MYLK: variants seen among roughly 807,000 people sequenced by gnomAD.
MYLK encodes myosin light chain kinase.
In MYLK, 106 loss-of-function variants were observed where a neutral mutation model predicts 203.4. That is an observed-to-expected ratio of 0.52 (90% CI 0.45 to 0.61). The LOEUF (loss-of-function observed/expected upper bound fraction) is 0.61. Among genes scored for constraint, MYLK ranks in the 20% least tolerant of loss-of-function variants. MYLK has a pLI of 0.00. For synonymous variants in MYLK, 867 were observed against 959.5 expected (o/e 0.90, Z 1.78); for missense variants, 2,072 against 2,442.3 (o/e 0.85, Z 3.20).
At chr3:123,645,960 A>G (rs1312243391) in intron 27 of MYLK, among the ~76,000 whole-genome samples, 1 of 152,192 alleles carries the variant, frequency 6.6e-6, no homozygotes, top group African/African-American at 2.4e-5. Flanking sequence ...CCTGGGCAAC[A>G]TGGTGAAATC....
chr3:123,819,324 G>C (rs533521998), intron 3 of MYLK, among the ~76,000 whole-genome samples: 2 of 152,252 alleles, frequency 1.3e-5, no homozygotes, highest in East Asian at 3.9e-4. Flanking sequence ...AGTTCCCTAG[G>C]CTCAGGAATT....
intron 5 of MYLK, among the ~76,000 whole-genome samples, chr3:123,743,216 T>C (rs1485503946): frequency 2.0e-5 from 3 of 152,196 alleles, no homozygotes; most frequent in Non-Finnish European, 4.4e-5. Flanking sequence ...AAGGCTTAAA[T>C]TCCTTTCTTC....
Position 123,700,977 on chromosome 3 carries a change from G to C in MYLK, c.2491C>G (p.Leu831Val). The stretch of plus-strand genomic sequence containing the variant: ...TCAGCACCAACTCCTCCACCACAGA[G>C]GTCCTCGCAGCTGGCAGGCTCCCTC... ...RGREPASCED[L>V]CGGGVGADGG... Residue 831 changes from leucine to valine, a missense_variant, in exon 18 of 34, where the codon CTC becomes GTC. Physicochemically the swap from Leu to Val is conservative, Grantham distance 32. This residue lies in a region of MYLK where 865 missense variants were observed against 1,016.0 expected (regional missense o/e 0.85). Transcript: ENST00000360304. 6.2e-7 allele frequency: 1 copy of C among 1,607,594 alleles called. No homozygotes were observed. The highest frequency in any genetic ancestry group is 8.5e-7 in the Non-Finnish European group (1 of 1,179,968).
chr3:123,850,738 CTTTAG>C (rs1217891111), intron 2 of MYLK, among the ~76,000 whole-genome samples: 2 of 152,178 alleles, frequency 1.3e-5, no homozygotes, highest in African/African-American at 2.4e-5. Flanking sequence ...TGAAGAAGCT[CTTTAG>C]TTTAATTAGA....
chr3:123,828,737 A>G (rs2066223888), intron 3 of MYLK, among the ~76,000 whole-genome samples: 1 of 152,216 alleles, frequency 6.6e-6, no homozygotes, highest in Non-Finnish European at 1.5e-5. Context: ...CAGAATATAC[A>G]AGGAACTCAA....
intron 4 of MYLK, among the ~76,000 whole-genome samples, chr3:123,756,503 T>G (rs1412927387): frequency 1.3e-5 from 2 of 152,192 alleles, no homozygotes; most frequent in Non-Finnish European, 2.9e-5. Flanking sequence ...TGTAATTCCT[T>G]CCTTGTATTA....
At chr3:123,661,967 T>A (rs1438659477) in intron 23 of MYLK, among the ~76,000 whole-genome samples, 1 of 152,226 alleles carries the variant, frequency 6.6e-6, no homozygotes, top group Non-Finnish European at 1.5e-5. Context: ...AGCTCTGTAT[T>A]ACTTTGACCT....
chr3:123,635,748 C>G (rs759743059), intron 29 of MYLK, among the ~76,000 whole-genome samples: 1 of 152,154 alleles, frequency 6.6e-6, no homozygotes, highest in Non-Finnish European at 1.5e-5. Flanking sequence ...TATTCTAGTT[C>G]TAGATTATAT....
At chr3:123,716,887 T>A (rs1489251735) in intron 13 of MYLK, among the ~76,000 whole-genome samples, 7 of 152,228 alleles carry the variant, frequency 4.6e-5, no homozygotes, top group Admixed American at 2.6e-4. Context: ...TGCTCAGAAG[T>A]CTTTCTGTAA....
At chr3:123,855,957 G>C (rs1177661590) in intron 2 of MYLK, among the ~76,000 whole-genome samples, 1 of 152,266 alleles carries the variant, frequency 6.6e-6, no homozygotes, top group South Asian at 2.1e-4. Flanking sequence ...CCACTCATTC[G>C]AGTGTAAACA....
chr3:123,820,896 T>G (rs1336890949), intron 3 of MYLK, among the ~76,000 whole-genome samples: 1 of 152,102 alleles, frequency 6.6e-6, no homozygotes, highest in Non-Finnish European at 1.5e-5. Flanking sequence ...GCTATTCTTT[T>G]TTTTGTATAT....
intron 19 of MYLK, chr3:123,691,890 T>C (rs2060684498): frequency 6.6e-6 from 1 of 152,278 alleles, no homozygotes; most frequent in South Asian, 2.1e-4. Flanking sequence ...GATGGGGTTC[T>C]GGCCCCAGCT....
At chr3:123,759,413 T>C (rs1409563858) in intron 4 of MYLK, among the ~76,000 whole-genome samples, 2 of 152,204 alleles carry the variant, frequency 1.3e-5, no homozygotes, top group African/African-American at 4.8e-5. Context: ...CAAATAGAGA[T>C]GCACTCTCAG....
intron 3 of MYLK, among the ~76,000 whole-genome samples, chr3:123,830,608 T>C (rs1370553815): frequency 6.6e-6 from 1 of 152,130 alleles, no homozygotes. Flanking sequence ...CCTCCCCAGG[T>C]CCACCACCCA....
At chr3:123,726,232 A>AC (rs2062280439) in intron 11 of MYLK, among the ~76,000 whole-genome samples, 154 bp from the exon 12 acceptor site, 1 of 152,172 alleles carries the variant, frequency 6.6e-6, no homozygotes, top group Non-Finnish European at 1.5e-5. Flanking sequence ...ATGCTTAAGA[A>AC]ACAGGCAGCA....
chr3:123,703,138 G>C (rs2061316297), intron 16 of MYLK, among the ~76,000 whole-genome samples: 1 of 152,204 alleles, frequency 6.6e-6, no homozygotes, highest in Admixed American at 6.5e-5. Flanking sequence ...TGTGTATTCT[G>C]CTGGCGTGTG....
At chr3:123,666,110 C>A (rs1248671205) in intron 22 of MYLK, 109 bp downstream of exon 22, 2 of 1,558,062 alleles carry the variant, frequency 1.3e-6, no homozygotes, top group African/African-American at 2.7e-5. Context: ...ATTTCTAAAG[C>A]TACGAAGAGT....
At chr3:123,748,625 G>A (rs775348535) in intron 5 of MYLK, among the ~76,000 whole-genome samples, 24 of 152,090 alleles carry the variant, frequency 1.6e-4, no homozygotes, top group Non-Finnish European at 3.2e-4. Flanking sequence ...TTTTTATATC[G>A]CTTATACATT....
intron 7 of MYLK, among the ~76,000 whole-genome samples, chr3:123,738,385 C>T (rs962357501): frequency 2.3e-4 from 35 of 152,242 alleles, no homozygotes; most frequent in African/African-American, 7.9e-4. Context: ...CAGGAACATG[C>T]ATCCCTAACA....
Sources: allele counts gnomAD v4.1 joint callset (sites outside exome capture counted in the v4.1 genomes callset), GRCh38; gene constraint gnomAD v4.1.1; regional missense constraint gnomAD v4.1.1; transcripts MANE v1.5; gene names NCBI Gene and HGNC (gene_info 2026-07-23, HGNC 2026-07-21).